PRMT8: variants seen among roughly 807,000 people sequenced by gnomAD.
The protein encoded by PRMT8 is protein arginine N-methyltransferase 8.
A neutral mutation model predicts 47.1 loss-of-function variants in PRMT8; 7 were observed. That is an observed-to-expected ratio of 0.15 (90% CI 0.08 to 0.28). The LOEUF (loss-of-function observed/expected upper bound fraction) is 0.28. Ranked by LOEUF, PRMT8 falls within the 10% of genes least tolerant of loss-of-function variation. The pLI, the probability that PRMT8 is intolerant of heterozygous loss-of-function variation, is 1.00. For missense variants in PRMT8, 237 were observed against 505.4 expected, an observed-to-expected ratio of 0.47 and a Z score of 5.09; for synonymous variants, 188 against 186.5, an observed-to-expected ratio of 1.01 and a Z score of -0.07.
At chr12:3,470,553 C>T (rs952385639) in intron 1 of PRMT8, among the ~76,000 whole-genome samples, 2 of 152,072 alleles carry the variant, frequency 1.3e-5, no homozygotes, top group Non-Finnish European at 2.9e-5. Context: ...CCGTTGCTGG[C>T]GTGGTTCTGC....
Position 3,583,570 on chromosome 12 carries a change from A to C in PRMT8, c.979+362A>C, listed in dbSNP as rs1176529140. 6.6e-6 allele frequency among the ~76,000 whole-genome samples: 1 copy of C among 152,204 alleles called. No individual in the cohort carries two copies. Among genetic ancestry groups the C allele is most frequent in the Non-Finnish European group, 1.5e-5 (1 of 68,034 alleles). ...ATGGAGTTGAATAAGCCTAGTCTGC[A>C]CTGCCATGCCTCTGTGCAGGACACA... On this transcript the variant is annotated intron_variant, in intron 8 of 9. Transcript: ENST00000382622. The surrounding 1 kb of genome is among the most constrained non-coding windows in gnomAD (Gnocchi z 4.7).
intron 1 of PRMT8, among the ~76,000 whole-genome samples, chr12:3,518,169 C>T (rs895329883): frequency 3.9e-5 from 6 of 152,024 alleles, no homozygotes; most frequent in African/African-American, 9.7e-5. Context: ...ACAGGAAAGT[C>T]GGAGGAAGAG....
chr12:3,415,578 G>T (rs917219373), intron 1 of PRMT8, among the ~76,000 whole-genome samples: 1 of 152,200 alleles, frequency 6.6e-6, no homozygotes, highest in South Asian at 2.1e-4. Context: ...GGAATTGCAT[G>T]TCAGGAAACT....
At chr12:3,567,686 A>G (rs556736076) in intron 4 of PRMT8, among the ~76,000 whole-genome samples, 8 of 152,332 alleles carry the variant, frequency 5.3e-5, no homozygotes, top group African/African-American at 1.7e-4. Context: ...AATCCCCCAC[A>G]CAGTTGAAAA....
At chr12:3,430,033 C>CT (rs1864657252) in intron 1 of PRMT8, among the ~76,000 whole-genome samples, 1 of 152,214 alleles carries the variant, frequency 6.6e-6, no homozygotes, top group African/African-American at 2.4e-5. Context: ...AAGGAAAGGG[C>CT]TTTATTCAGC....
intron 1 of PRMT8, among the ~76,000 whole-genome samples, chr12:3,485,172 T>A (rs943599717): frequency 2.0e-5 from 3 of 152,228 alleles, no homozygotes; most frequent in African/African-American, 4.8e-5. Flanking sequence ...TTGGAAGTGA[T>A]CTGTTCTCTG....
Position 3,397,464 on chromosome 12 carries a change from T to C in PRMT8, c.48+16022T>C, listed in dbSNP as rs563108111. 1.3e-3 allele frequency among the ~76,000 whole-genome samples: 193 copies of C among 146,726 alleles called. 10 individuals carry two copies. The highest frequency in any genetic ancestry group is 4.4e-3 in the African/African-American group (172 of 39,534). ...CTCAGCTGCAGGTCTGTTGGAGTAC[T>C]GGGCCCTGTGAGGTGTCAGTCTGCC... On this transcript the variant is annotated intron_variant, in intron 1 of 9. Coordinates refer to the PRMT8 transcript ENST00000452611.
rs199952102 is a variant in PRMT8, at chr12:3,586,229, G to T, written c.979+3021G>T. 5.3e-5 allele frequency among the ~76,000 whole-genome samples: 8 copies of T among 152,252 alleles called. No individual in the cohort carries two copies. The East Asian group carries it at 1.2e-3, about 22-fold the overall frequency. Reference sequence around the variant, plus strand: ...GGGATGACATTCTTCATGGTCCCATGTGGAGGAGCCTGGATTAAGCTCACA... The same window carrying T: ...GGGATGACATTCTTCATGGTCCCATTTGGAGGAGCCTGGATTAAGCTCACA... On this transcript the variant is annotated intron_variant, in intron 8 of 9. Coordinates refer to ENST00000382622, the MANE Select transcript of PRMT8 (RefSeq NM_019854.5).
chr12:3,452,739 T>C (rs1459934073), intron 1 of PRMT8, among the ~76,000 whole-genome samples: 1 of 152,168 alleles, frequency 6.6e-6, no homozygotes, highest in Non-Finnish European at 1.5e-5. Flanking sequence ...GCTTCTCAGG[T>C]CAGGCCTCAC....
intron 1 of PRMT8, among the ~76,000 whole-genome samples, chr12:3,528,500 G>A (rs575950858): frequency 4.0e-5 from 6 of 151,588 alleles, no homozygotes; most frequent in South Asian, 2.1e-4. Flanking sequence ...GTTCAATTTC[G>A]GTCGTTTAAA....
At chr12:3,449,179 A>T (rs1036012450) in intron 1 of PRMT8, among the ~76,000 whole-genome samples, 2 of 152,166 alleles carry the variant, frequency 1.3e-5, no homozygotes, top group African/African-American at 4.8e-5. Flanking sequence ...GCTATTGTGA[A>T]TGGTGCTGCA....
chr12:3,566,090 G>GA lies in PRMT8; in HGVS notation c.482-2608dup. The stretch of plus-strand genomic sequence containing the variant: ...GAAGAACCTTCAAGAAACGTGCAAA[G>GA]AAAAAAAAGTAAGGGAGGCCATTAA... On this transcript the variant is annotated intron_variant, in intron 4 of 9. Coordinates refer to ENST00000382622, the MANE Select transcript of PRMT8 (RefSeq NM_019854.5). The surrounding 1 kb of genome is among the most constrained non-coding windows in gnomAD (Gnocchi z 4.7). Among the ~76,000 whole-genome samples the GA allele has an allele frequency of 6.6e-6, 1 of 151,520 alleles. No homozygotes were observed. The highest frequency in any genetic ancestry group is 1.9e-4 in the East Asian group (1 of 5,180).
intron 1 of PRMT8, among the ~76,000 whole-genome samples, chr12:3,435,496 G>A (rs1481652666): frequency 6.8e-6 from 1 of 148,012 alleles, no homozygotes; most frequent in Non-Finnish European, 1.5e-5. Flanking sequence ...AAATGACAAC[G>A]TCATGTTTTT....
chr12:3,397,681 C>A (rs1864269754), intron 1 of PRMT8, among the ~76,000 whole-genome samples: 1 of 152,074 alleles, frequency 6.6e-6, no homozygotes, highest in South Asian at 2.1e-4. Flanking sequence ...TGTGCCCTGC[C>A]CCCAGAGGTG....
chr12:3,428,138 T>G (rs1864626515), intron 1 of PRMT8, among the ~76,000 whole-genome samples: 1 of 152,182 alleles, frequency 6.6e-6, no homozygotes, highest in Non-Finnish European at 1.5e-5. Flanking sequence ...TCCTCATAGG[T>G]CTGGTCGGAC....
rs1365064728 is a variant in PRMT8, at chr12:3,453,151, C to G, written c.48+71709C>G. 6.6e-6 allele frequency among the ~76,000 whole-genome samples: 1 copy of G among 152,098 alleles called. No individual in the cohort carries two copies. The highest frequency in any genetic ancestry group is 1.5e-5 in the Non-Finnish European group (1 of 68,014). ...GAGAGGGGTCAGTCCGGGAGACCGTCCTGAAGAGTGGCCTGTGATGGAAAA... is the reference window on the plus strand; with the variant it reads ...GAGAGGGGTCAGTCCGGGAGACCGTGCTGAAGAGTGGCCTGTGATGGAAAA... On this transcript the variant is annotated intron_variant, in intron 1 of 9. Coordinates refer to the PRMT8 transcript ENST00000452611. The surrounding 1 kb of genome is among the most constrained non-coding windows in gnomAD (Gnocchi z 4.9).
At chr12:3,588,321 AG>A (rs1436038354) in intron 8 of PRMT8, among the ~76,000 whole-genome samples, 2 of 152,216 alleles carry the variant, frequency 1.3e-5, no homozygotes, top group Non-Finnish European at 2.9e-5. Context: ...ACTTACAGCT[AG>A]AAAAATTATA....
At position 3,538,784 on chromosome 12, in the gene PRMT8, C is replaced by T. The variant is rs2137162141; in HGVS notation, c.76-1822C>T. The T allele has an allele frequency of 1.9e-6, 1 of 516,932 alleles. No homozygotes were observed. Among genetic ancestry groups the T allele is most frequent in the South Asian group, 1.4e-5 (1 of 71,398 alleles). The allele number at this position is 516,932 out of a possible 1,614,324, so 32.0% of individuals were successfully genotyped here. Reference sequence around the variant, plus strand: ...CCTCCCAGAGACCGTGACCAACATCCCAAGCTGAGAGTGGGCACACCTGCT... The same window carrying T: ...CCTCCCAGAGACCGTGACCAACATCTCAAGCTGAGAGTGGGCACACCTGCT... On this transcript the variant is annotated intron_variant, in intron 1 of 9. Transcript: ENST00000382622. The surrounding 1 kb of genome is among the most constrained non-coding windows in gnomAD (Gnocchi z 4.6).
chr12:3,496,886 G>A (rs1420697494), intron 1 of PRMT8, among the ~76,000 whole-genome samples: 1 of 150,890 alleles, frequency 6.6e-6, no homozygotes, highest in Non-Finnish European at 1.5e-5. Context: ...GTCCTTAAGT[G>A]AGCTCAGGAG....
Sources: allele counts gnomAD v4.1 joint callset (sites outside exome capture counted in the v4.1 genomes callset), GRCh38; gene constraint gnomAD v4.1.1; non-coding constraint Gnocchi (gnomAD v3.1); transcripts MANE v1.5; gene names NCBI Gene and HGNC (gene_info 2026-07-23, HGNC 2026-07-21).